Variants in LDLRAD4 observed in about 807,000 individuals in gnomAD.
The protein encoded by LDLRAD4 is low-density lipoprotein receptor class A domain-containing protein 4.
LDLRAD4 carries 5 observed loss-of-function variants against 17.0 expected under a neutral mutation model. The observed-to-expected ratio is 0.29, with a 90% CI of 0.15 to 0.62. The LOEUF is 0.62. Ranked by LOEUF, LDLRAD4 falls within the 20% of genes least tolerant of loss-of-function variation. The probability of loss-of-function intolerance (pLI) is 0.84; values close to 1 mark genes in which losing one functional copy is unlikely to be tolerated. For synonymous variants in LDLRAD4, 168 were observed against 171.8 expected, an observed-to-expected ratio of 0.98 and a Z score of 0.17; for missense variants, 340 against 424.7, an observed-to-expected ratio of 0.80 and a Z score of 1.75.
At chr18:13,322,026 G>A (rs1568005269) in intron 1 of LDLRAD4, among the ~76,000 whole-genome samples, 1 of 150,764 alleles carries the variant, frequency 6.6e-6, no homozygotes, top group African/African-American at 2.4e-5. Context: ...AGCAATGCTT[G>A]TTCTTTTTAT....
chr18:13,566,037 A>G (rs2094597011), intron 3 of LDLRAD4, among the ~76,000 whole-genome samples: 1 of 152,194 alleles, frequency 6.6e-6, no homozygotes. Context: ...GACCCGCATC[A>G]TCTCATAGTG....
intron 3 of LDLRAD4, chr18:13,562,803 C>A (rs9966031): frequency 0.26 from 40,185 of 152,200 alleles, 6,364 homozygotes; most frequent in African/African-American, 0.43. Context: ...TGGCGCCTAC[C>A]CCTCCCACCC....
chr18:13,283,525 G>T (rs2045414849), intron 1 of LDLRAD4, among the ~76,000 whole-genome samples: 1 of 152,206 alleles, frequency 6.6e-6, no homozygotes, highest in Non-Finnish European at 1.5e-5. Flanking sequence ...TTTTGCTCCA[G>T]TTCCCAACAA....
intron 1 of LDLRAD4, among the ~76,000 whole-genome samples, chr18:13,292,290 G>C (rs1455264964): frequency 1.3e-5 from 2 of 152,246 alleles, no homozygotes; most frequent in Non-Finnish European, 2.9e-5. Context: ...TGGGCTGCTG[G>C]CACAATGCCT....
chr18:13,484,988 C>T (rs891268353), intron 3 of LDLRAD4, among the ~76,000 whole-genome samples: 6 of 152,216 alleles, frequency 3.9e-5, no homozygotes, highest in Non-Finnish European at 4.4e-5. Flanking sequence ...ACAGGCACGT[C>T]ACCCAGTGGA....
intron 3 of LDLRAD4, among the ~76,000 whole-genome samples, chr18:13,592,236 C>A (rs574805370): frequency 1.3e-5 from 2 of 152,246 alleles, no homozygotes; most frequent in South Asian, 4.1e-4. Context: ...AAACCCTGAC[C>A]CACAGTGAGA....
intron 4 of LDLRAD4, among the ~76,000 whole-genome samples, chr18:13,639,062 A>G (rs918447261): frequency 6.6e-6 from 1 of 152,220 alleles, no homozygotes; most frequent in African/African-American, 2.4e-5. Context: ...GTTATTAACA[A>G]AGTTTTGTTC....
chr18:13,224,783 A>G (rs1190529659), intron 1 of LDLRAD4, among the ~76,000 whole-genome samples: 1 of 150,190 alleles, frequency 6.7e-6, no homozygotes, highest in Non-Finnish European at 1.5e-5. Context: ...TCTGGCCTAC[A>G]GTTTCTTTAA....
chr18:13,365,207 C>T (rs2083967454), intron 1 of LDLRAD4, among the ~76,000 whole-genome samples: 1 of 152,210 alleles, frequency 6.6e-6, no homozygotes, highest in African/African-American at 2.4e-5. Context: ...TATGGCTACA[C>T]CGTCCGTGCT....
At chr18:13,537,712 A>G (rs940789436) in intron 3 of LDLRAD4, among the ~76,000 whole-genome samples, 1 of 152,198 alleles carries the variant, frequency 6.6e-6, no homozygotes, top group Admixed American at 6.5e-5. Flanking sequence ...TCATTGACCA[A>G]TACATTGTTA....
rs923837221 is a variant in LDLRAD4 at position 13,456,321 on chromosome 18, G to A, written c.181+17937G>A. Among the ~76,000 whole-genome samples the A allele has an allele frequency of 2.0e-5, 3 of 152,156 alleles. No individual in the cohort carries two copies. In the East Asian group the frequency reaches 5.8e-4, roughly 29 times the overall value. ...TCCTGAGCGTGCCACATCTACACGG[G>A]GGTGCCCCTTCCTGACCGGGGTGCC... On this transcript the variant is annotated intron_variant, in intron 3 of 5. Transcript: ENST00000359446.
intron 1 of LDLRAD4, among the ~76,000 whole-genome samples, chr18:13,333,311 A>G (rs562604799): frequency 6.6e-6 from 1 of 152,238 alleles, no homozygotes; most frequent in South Asian, 2.1e-4. Flanking sequence ...GTTTTGGATA[A>G]CAGTCTTTTA....
intron 1 of LDLRAD4, among the ~76,000 whole-genome samples, chr18:13,371,365 C>T (rs1338116160): frequency 2.0e-5 from 3 of 152,212 alleles, no homozygotes; most frequent in Non-Finnish European, 4.4e-5. Flanking sequence ...TGGAGCCCAC[C>T]TCACAAATGT....
chr18:13,431,432 C>G (rs16940505), intron 2 of LDLRAD4, among the ~76,000 whole-genome samples: 2 of 152,164 alleles, frequency 1.3e-5, no homozygotes, highest in African/African-American at 4.8e-5. Flanking sequence ...TGTTATCCAC[C>G]CTTTCAAGCC....
intron 3 of LDLRAD4, among the ~76,000 whole-genome samples, chr18:13,499,785 A>G (rs2093581410): frequency 6.6e-6 from 1 of 151,558 alleles, no homozygotes; most frequent in Non-Finnish European, 1.5e-5. Flanking sequence ...ATCCATCTCC[A>G]CACACGTATC....
At chr18:13,339,968 C>G (rs1034227021) in intron 1 of LDLRAD4, among the ~76,000 whole-genome samples, 1 of 152,128 alleles carries the variant, frequency 6.6e-6, no homozygotes, top group Non-Finnish European at 1.5e-5. Flanking sequence ...TCAGCCCTGG[C>G]AACTGCCATT....
intron 3 of LDLRAD4, among the ~76,000 whole-genome samples, chr18:13,505,557 C>T (rs940666054): frequency 2.0e-5 from 3 of 152,260 alleles, no homozygotes; most frequent in African/African-American, 2.4e-5. Flanking sequence ...CGGTGGCTCA[C>T]GCCTGTAATC....
intron 3 of LDLRAD4, among the ~76,000 whole-genome samples, chr18:13,577,337 A>C (rs1431656999): frequency 2.6e-5 from 4 of 152,176 alleles, no homozygotes; most frequent in Non-Finnish European, 5.9e-5. Context: ...GAGAGAATGG[A>C]GGATTGAGGA....
chr18:13,374,583 C>T (rs765810677), intron 1 of LDLRAD4, among the ~76,000 whole-genome samples: 6 of 152,230 alleles, frequency 3.9e-5, no homozygotes, highest in African/African-American at 7.2e-5. Flanking sequence ...TCTGGATCTT[C>T]GCTTTCCCAG....
Sources: allele counts gnomAD v4.1 joint callset (sites outside exome capture counted in the v4.1 genomes callset), GRCh38; gene constraint gnomAD v4.1.1; transcripts MANE v1.5; gene names NCBI Gene and HGNC (gene_info 2026-07-23, HGNC 2026-07-21).